The following NBEA variants were observed in gnomAD, a reference collection of about 807,000 sequenced individuals.
The protein encoded by NBEA is lysosomal-trafficking regulator 2.
A neutral mutation model predicts 343.4 loss-of-function variants in NBEA; 44 were observed. The observed-to-expected ratio is 0.13, with a 90% CI of 0.10 to 0.16. NBEA has a LOEUF of 0.16. NBEA is among the 10% of genes least tolerant of loss of function. NBEA has a pLI of 1.00. For missense variants in NBEA, 2,555 were observed against 3,631.3 expected, an observed-to-expected ratio of 0.70 and a Z score of 7.62; for synonymous variants, 1,175 against 1,238.7, an observed-to-expected ratio of 0.95 and a Z score of 1.08.
At chr13:34,965,939 G>A (rs1285316614) in intron 1 of NBEA, among the ~76,000 whole-genome samples, 1 of 152,030 alleles carries the variant, frequency 6.6e-6, no homozygotes, top group Non-Finnish European at 1.5e-5. Context: ...TTGCTAGGCT[G>A]TTGACTGTTT....
intron 41 of NBEA, among the ~76,000 whole-genome samples, chr13:35,535,307 T>C (rs2078483170): frequency 6.6e-6 from 1 of 152,102 alleles, no homozygotes; most frequent in African/African-American, 2.4e-5. Context: ...GTGTTTTTTG[T>C]TTAGTTTTGT....
intron 55 of NBEA, 55 bp from the exon 56 acceptor site, chr13:35,665,030 G>T: frequency 8.5e-7 from 1 of 1,180,362 alleles, no homozygotes; most frequent in Non-Finnish European, 1.2e-6. Flanking sequence ...TGCTGGTGTA[G>T]CTCTCTCCCC....
At chr13:35,245,486 G>T (rs2031047415) in intron 34 of NBEA, among the ~76,000 whole-genome samples, 1 of 152,042 alleles carries the variant, frequency 6.6e-6, no homozygotes, top group Admixed American at 6.5e-5. Context: ...CTTGGTAGTA[G>T]AGAATTCTCT....
At chr13:34,973,067 G>C (rs951005766) in intron 1 of NBEA, among the ~76,000 whole-genome samples, 1 of 152,070 alleles carries the variant, frequency 6.6e-6, no homozygotes, top group Non-Finnish European at 1.5e-5. Flanking sequence ...GGTTTGCTGG[G>C]GGTCCACTGC....
chr13:35,404,631 T>A (rs1276034488), intron 38 of NBEA, among the ~76,000 whole-genome samples: 2 of 143,318 alleles, frequency 1.4e-5, no homozygotes, highest in African/African-American at 2.6e-5. Flanking sequence ...GAGGGATAGC[T>A]TTAGGAGATA....
At chr13:35,427,676 TTAAGTCTG>T (rs1203597353) in intron 38 of NBEA, among the ~76,000 whole-genome samples, 3 of 152,228 alleles carry the variant, frequency 2.0e-5, no homozygotes, top group Non-Finnish European at 4.4e-5. Flanking sequence ...ACAGGGACAT[TTAAGTCTG>T]CAGAGGTTAC....
intron 38 of NBEA, among the ~76,000 whole-genome samples, chr13:35,378,258 A>T (rs990558297): frequency 2.6e-5 from 4 of 152,178 alleles, no homozygotes; most frequent in Admixed American, 6.5e-5. Context: ...CTGGCCTCTG[A>T]AGACAAACAC....
At chr13:35,332,664 G>GT (rs893720333) in intron 36 of NBEA, among the ~76,000 whole-genome samples, 2 of 152,130 alleles carry the variant, frequency 1.3e-5, no homozygotes, top group African/African-American at 4.8e-5. Flanking sequence ...AGTGAAAAAT[G>GT]TATTAGAAGG....
intron 11 of NBEA, among the ~76,000 whole-genome samples, chr13:35,104,208 C>G (rs1300556544): frequency 6.6e-6 from 1 of 151,874 alleles, no homozygotes; most frequent in African/African-American, 2.4e-5. Flanking sequence ...ATGCTTCATT[C>G]AGGATTTTGC....
intron 4 of NBEA, 56 bp from the exon 5 acceptor site, chr13:35,048,507 G>T: frequency 1.3e-6 from 2 of 1,519,950 alleles, no homozygotes; most frequent in Admixed American, 2.0e-5. Flanking sequence ...TTTGACCTTA[G>T]CTACTATCAC....
intron 29 of NBEA, 57 bp from the exon 30 acceptor site, chr13:35,183,919 C>A: frequency 3.2e-6 from 4 of 1,249,224 alleles, no homozygotes; most frequent in East Asian, 2.4e-5. Flanking sequence ...CTTCAGTGGA[C>A]CATGTGGCAG....
chr13:35,534,920 A>T (rs1334283799), intron 41 of NBEA, among the ~76,000 whole-genome samples: 1 of 152,176 alleles, frequency 6.6e-6, no homozygotes, highest in African/African-American at 2.4e-5. Context: ...TAAAAGGCAA[A>T]TTTTCAGCAA....
intron 18 of NBEA, among the ~76,000 whole-genome samples, chr13:35,147,986 T>G (rs1593508582): frequency 1.3e-5 from 2 of 152,354 alleles, no homozygotes; most frequent in Admixed American, 6.5e-5. Context: ...GAGTTACCCT[T>G]GGCTTTGACT....
intron 41 of NBEA, chr13:35,475,455 G>C: frequency 6.2e-7 from 1 of 1,612,900 alleles, no homozygotes; most frequent in Non-Finnish European, 8.5e-7. Context: ...GCACCCAGGC[G>C]TCGCTCTCCG....
At chr13:35,432,002 A>G (rs945997462) in intron 38 of NBEA, among the ~76,000 whole-genome samples, 6 of 152,122 alleles carry the variant, frequency 3.9e-5, no homozygotes, top group Non-Finnish European at 7.4e-5. Flanking sequence ...AGTAGAAAGA[A>G]GAAAGTTTTA....
At chr13:35,292,335 T>A (rs2035855125) in intron 35 of NBEA, among the ~76,000 whole-genome samples, 2 of 152,014 alleles carry the variant, frequency 1.3e-5, no homozygotes, top group African/African-American at 4.8e-5. Flanking sequence ...TTGAGATGAT[T>A]TATATCCTAT....
chr13:35,394,246 C>G (rs1028878835), intron 38 of NBEA, among the ~76,000 whole-genome samples: 2 of 152,130 alleles, frequency 1.3e-5, no homozygotes, highest in African/African-American at 2.4e-5. Context: ...TGGGAACAGA[C>G]GTTTATGTAT....
intron 25 of NBEA, among the ~76,000 whole-genome samples, chr13:35,169,688 G>A (rs2070316728): frequency 1.3e-5 from 2 of 151,626 alleles, no homozygotes; most frequent in Non-Finnish European, 3.0e-5. Flanking sequence ...ATTATTTATA[G>A]TATTTGATAG....
intron 38 of NBEA, among the ~76,000 whole-genome samples, chr13:35,388,975 T>A (rs1338211851): frequency 6.6e-6 from 1 of 151,872 alleles, no homozygotes; most frequent in African/African-American, 2.4e-5. Context: ...TTACGAAGAG[T>A]AGATTTTTTT....
Sources: allele counts gnomAD v4.1 joint callset (sites outside exome capture counted in the v4.1 genomes callset), GRCh38; gene constraint gnomAD v4.1.1; transcripts MANE v1.5; gene names NCBI Gene and HGNC (gene_info 2026-07-23, HGNC 2026-07-21).